The following TTC19 variants were observed in gnomAD, a reference collection of about 807,000 sequenced individuals.
The protein encoded by TTC19 is tetratricopeptide repeat protein 19, mitochondrial.
TTC19 carries 38 observed loss-of-function variants against 49.5 expected under a neutral mutation model. The ratio of observed to expected loss-of-function variants is 0.77; its 90% CI spans 0.59 to 1.01. The LOEUF is 1.01. Ranked by LOEUF, TTC19 falls within the 50% of genes least tolerant of loss-of-function variation. The pLI is 0.00. For missense variants in TTC19, 475 were observed against 477.7 expected, an observed-to-expected ratio of 0.99 and a Z score of 0.05; for synonymous variants, 204 against 185.2, an observed-to-expected ratio of 1.10 and a Z score of -0.83.
At chr17:16,034,968 G>C (rs1567620269) in intron 2 of TTC19, 1 of 1,608,298 alleles carries the variant, frequency 6.2e-7, no homozygotes, top group Non-Finnish European at 8.5e-7. Flanking sequence ...TCAAGTTAAA[G>C]TATTAATATA....
rs116412774 is a variant in TTC19, at chr17:16,027,717, A to G, written c.*195A>G. The G allele has an allele frequency of 3.0e-3, 1,992 of 669,776 alleles. 32 individuals carry two copies. In the African/African-American group the frequency reaches 0.032, roughly 11 times the overall value. The allele number at this position is 669,776 out of a possible 1,614,324, so 41.5% of individuals were successfully genotyped here. A position where few individuals can be genotyped will look rare whatever the true frequency, so the allele number is the denominator to read the frequency against. ...AAAGGAAAAATGACTTTCATTCCCA[A>G]CTGATTATGACCTTTCAGGATGTCG... is the stretch of plus-strand genomic sequence containing the variant. On this transcript the variant is annotated 3_prime_UTR_variant, in exon 10 of 10. Transcript: ENST00000261647.
chr17:16,034,943 T>C lies in TTC19; in HGVS notation c.247+8241T>C, dbSNP rs146272624. The C allele has an allele frequency of 1.2e-4, 199 of 1,613,326 alleles. No homozygotes were observed. The highest frequency in any genetic ancestry group is 3.3e-4 in the Middle Eastern group (2 of 6,070). On this transcript the variant is annotated intron_variant, in intron 2 of 2. Coordinates refer to the TTC19 transcript ENST00000470649. ...TGATCAGCTTTGGTTTGCAAACTCC[T>C]CCTGAAAGTGAAATTCAAGTTAAAG...
intron 7 of TTC19, among the ~76,000 whole-genome samples, chr17:16,019,409 G>C (rs1406548109): frequency 6.6e-6 from 1 of 152,158 alleles, no homozygotes; most frequent in African/African-American, 2.4e-5. Flanking sequence ...CTGTACAATT[G>C]GTTTTGTAGT....
chr17:16,034,872 C>T, intron 2 of TTC19: 1 of 1,614,072 alleles, frequency 6.2e-7, no homozygotes, highest in East Asian at 2.2e-5. Context: ...TCCTAAGTAG[C>T]CTTGCCCAGG....
At chr17:16,001,848 C>G in intron 2 of TTC19, 67 bp from the exon 3 acceptor site, 1 of 1,094,356 alleles carries the variant, frequency 9.1e-7, no homozygotes, top group Non-Finnish European at 1.4e-6. Flanking sequence ...GTTGCATACA[C>G]TTCTGTCTCT....
chr17:16,039,417 A>G (rs2057131332), intron 2 of TTC19: 1 of 1,607,850 alleles, frequency 6.2e-7, no homozygotes, highest in African/African-American at 1.3e-5. Context: ...GAAAAGCACT[A>G]AAATGAAAGC....
intron 2 of TTC19, among the ~76,000 whole-genome samples, chr17:16,041,868 C>G (rs145923295): frequency 0.083 from 12,626 of 151,904 alleles, 605 homozygotes; most frequent in East Asian, 0.18. Context: ...CCCCGAGTGG[C>G]TGGGACTACA....
chr17:16,036,454 C>T (rs958903122), intron 2 of TTC19, among the ~76,000 whole-genome samples: 1 of 152,198 alleles, frequency 6.6e-6, no homozygotes, highest in African/African-American at 2.4e-5. Context: ...CCTGCATTAG[C>T]CCCTAACAAG....
intron 2 of TTC19, among the ~76,000 whole-genome samples, chr17:16,035,929 C>T (rs2056264320): frequency 6.6e-6 from 1 of 152,140 alleles, no homozygotes; most frequent in South Asian, 2.1e-4. Flanking sequence ...CTGGAATCAT[C>T]TTTTTCCAAA....
rs760285058 is a variant in TTC19, at chr17:16,001,995, C to T, written c.393C>T (p.Asn131=). ...TTCGTCTCGCCTATCAGACTGATAACAAGAAGGCCATCACTTACACTTATG... is the reference window on the plus strand; with the variant it reads ...TTCGTCTCGCCTATCAGACTGATAATAAGAAGGCCATCACTTACACTTATG... ...DALRLAYQTD[N]KKAITYTYDL... is the part of the protein sequence containing the mutation. Residue 131 remains asparagine (N), a synonymous_variant, in exon 3 of 10, where the codon AAC becomes AAT. Coordinates refer to ENST00000261647, the MANE Select transcript of TTC19 (RefSeq NM_017775.4). 3.1e-6 allele frequency: 5 copies of T among 1,612,818 alleles called. No individual in the cohort carries two copies. In the East Asian group the frequency reaches 1.1e-4, roughly 36 times the overall value.
intron 7 of TTC19, among the ~76,000 whole-genome samples, chr17:16,010,593 G>A (rs1597456714): frequency 6.6e-6 from 1 of 152,112 alleles, no homozygotes; most frequent in African/African-American, 2.4e-5. Context: ...TCCTGCCTCA[G>A]CCTCCCGAGT....
At chr17:16,017,629 C>T (rs773652330) in intron 7 of TTC19, among the ~76,000 whole-genome samples, 9 of 151,456 alleles carry the variant, frequency 5.9e-5, no homozygotes, top group Non-Finnish European at 1.0e-4. Context: ...GGTGTGGTGG[C>T]GGGTGCCTGT....
At chr17:16,020,218 ATTTT>A (rs1190481272) in intron 7 of TTC19, among the ~76,000 whole-genome samples, 1 of 152,156 alleles carries the variant, frequency 6.6e-6, no homozygotes, top group Non-Finnish European at 1.5e-5. Context: ...TTGTTATCAG[ATTTT>A]TTTGATAATC....
chr17:15,999,978 C>T lies in TTC19; in HGVS notation c.130C>T (p.Pro44Ser). The T allele has an allele frequency of 7.8e-7, 1 of 1,288,872 alleles. No homozygotes were observed. The highest frequency in any genetic ancestry group is 9.8e-7 in the Non-Finnish European group (1 of 1,021,270). The allele number at this position is 1,288,872 out of a possible 1,614,324, so 79.8% of individuals were successfully genotyped here. A position where few individuals can be genotyped will look rare whatever the true frequency, so the allele number is the denominator to read the frequency against. Residue 44 changes from proline to serine, a missense_variant, in exon 1 of 10, where the codon CCA (proline) becomes TCA (serine). Pro to Ser is a moderately conservative substitution (Grantham distance 74). Coordinates refer to ENST00000261647, the MANE Select transcript of TTC19 (RefSeq NM_017775.4). Reference protein sequence around the residue: ...GGPGPEVQVPPSRVAPHGRGP... With the variant: ...GGPGPEVQVPSSRVAPHGRGP... ...TCCGGGGCCCGAGGTGCAGGTGCCG[C>T]CATCCCGAGTCGCGCCGCACGGCCG...
chr17:16,031,859 TAGAC>T, downstream of TTC19: 1 of 233,968 alleles, frequency 4.3e-6, no homozygotes. Flanking sequence ...AAAAGATAGA[TAGAC>T]AAAAAGATTT....
At chr17:16,011,706 T>G (rs1971074948) in intron 7 of TTC19, among the ~76,000 whole-genome samples, 1 of 152,228 alleles carries the variant, frequency 6.6e-6, no homozygotes, top group African/African-American at 2.4e-5. Context: ...CTGTGTTAAT[T>G]TACATTTCCT....
At chr17:16,031,085 T>C (rs986395375), downstream of TTC19, 13 of 191,772 alleles carry the variant, frequency 6.8e-5, no homozygotes, top group African/African-American at 3.0e-4. Context: ...AAACTGGCCC[T>C]CTAGTACCAT....
chr17:16,032,278 C>T, downstream of TTC19: 3 of 1,590,174 alleles, frequency 1.9e-6, no homozygotes, highest in Non-Finnish European at 2.6e-6. Context: ...GCACCCTGTT[C>T]CCCTCACTTT....
chr17:16,031,016 T>G (rs975989696), downstream of TTC19: 5 of 196,118 alleles, frequency 2.5e-5, no homozygotes, highest in African/African-American at 1.2e-4. Flanking sequence ...ACTTAAATGC[T>G]ATGATAAATT....
Sources: allele counts gnomAD v4.1 joint callset (sites outside exome capture counted in the v4.1 genomes callset), GRCh38; gene constraint gnomAD v4.1.1; transcripts MANE v1.5; gene names NCBI Gene and HGNC (gene_info 2026-07-23, HGNC 2026-07-21).